Variants in MED15 observed in about 807,000 individuals in gnomAD.
MED15 encodes mediator complex subunit 15.
MED15 carries 41 observed loss-of-function variants against 118.7 expected under a neutral mutation model. The observed-to-expected ratio is 0.35, with a 90% CI of 0.27 to 0.45. The LOEUF (loss-of-function observed/expected upper bound fraction) is 0.45. Ranked by LOEUF, MED15 falls within the 20% of genes least tolerant of loss-of-function variation. The pLI is 1.00. For missense variants in MED15, 740 were observed against 1,025.5 expected, an observed-to-expected ratio of 0.72 and a Z score of 3.80; for synonymous variants, 436 against 413.9, an observed-to-expected ratio of 1.05 and a Z score of -0.65.
chr22:20,585,564 A>T, intron 16 of MED15, 164 bp from the exon 17 acceptor site: 2 of 730,022 alleles, frequency 2.7e-6, no homozygotes, highest in South Asian at 3.5e-5. Flanking sequence ...AGAGCACTCC[A>T]GGCTTCACGT....
chr22:20,556,302 G>GTTTT (rs361842), intron 5 of MED15, among the ~76,000 whole-genome samples: 1 of 140,076 alleles, frequency 7.1e-6, no homozygotes, highest in East Asian at 2.1e-4. Context: ...GACTTCATCA[G>GTTTT]TTTTTTTTTT....
In MED15 at chr22:20,537,191, A is replaced by G; in HGVS notation, c.143A>G (p.Lys48Arg). ...GATATGGAGAGCCATGTTTTCCTGAAGGCCAAGACCCGGGTAAGGCCCTAG... is the reference window on the plus strand; with the variant it reads ...GATATGGAGAGCCATGTTTTCCTGAGGGCCAAGACCCGGGTAAGGCCCTAG... ...SKDMESHVFLKAKTRDEYLSL... is the reference protein window; with the variant it reads ...SKDMESHVFLRAKTRDEYLSL... The change falls in exon 2 of 18, where the codon AAG becomes AGG. Residue 48 changes from lysine to arginine, a missense_variant. Coordinates refer to ENST00000263205, the MANE Select transcript of MED15 (RefSeq NM_001003891.3). 2 of 1,613,678 alleles carry G rather than the reference A, an allele frequency of 1.2e-6. No individual in the cohort carries two copies. The highest frequency in any genetic ancestry group is 2.2e-5 in the East Asian group (1 of 44,726).
At chr22:20,563,486 G>A (rs1456903753) in intron 5 of MED15, among the ~76,000 whole-genome samples, 1 of 152,214 alleles carries the variant, frequency 6.6e-6, no homozygotes, top group East Asian at 1.9e-4. Context: ...TAGAAATGGA[G>A]GATGCTGCAG....
intron 1 of MED15, among the ~76,000 whole-genome samples, chr22:20,524,609 G>A (rs1433486590): frequency 1.3e-5 from 2 of 150,898 alleles, no homozygotes; most frequent in Non-Finnish European, 2.9e-5. Flanking sequence ...TATGTGGCAG[G>A]TTTTTTTTGT....
chr22:20,544,669 A>AAAAC (rs905867164), intron 2 of MED15, among the ~76,000 whole-genome samples: 2 of 151,904 alleles, frequency 1.3e-5, no homozygotes, highest in Non-Finnish European at 1.5e-5. Flanking sequence ...CTGTCTCAAA[A>AAAAC]AAACAAACAA....
intron 1 of MED15, chr22:20,523,731 T>G: frequency 1.0e-6 from 1 of 985,462 alleles, no homozygotes; most frequent in African/African-American, 1.7e-5. Flanking sequence ...TCGAGGCCTT[T>G]CCAACTCTGC....
intron 3 of MED15, chr22:20,552,579 A>C (rs964572394): frequency 3.1e-5 from 14 of 449,742 alleles, no homozygotes; most frequent in African/African-American, 2.9e-4. Flanking sequence ...TGTGGGGCTC[A>C]TGAGGTCATG....
chr22:20,522,354 T>G (rs988040714), intron 1 of MED15: 1 of 152,118 alleles, frequency 6.6e-6, no homozygotes, highest in Non-Finnish European at 1.5e-5. Flanking sequence ...ACACCTGGTA[T>G]TGTCAAGGAA....
At chr22:20,565,421 A>C (rs1349824407) in intron 6 of MED15, among the ~76,000 whole-genome samples, 2 of 151,984 alleles carry the variant, frequency 1.3e-5, no homozygotes, top group Admixed American at 1.3e-4. Context: ...GTGTTAGTCG[A>C]CCTCCAGCTG....
chr22:20,548,553 T>G (rs1221752033), intron 2 of MED15, among the ~76,000 whole-genome samples: 3 of 152,220 alleles, frequency 2.0e-5, no homozygotes, highest in African/African-American at 7.2e-5. Context: ...AGGGCACATT[T>G]CCAGCCCAGT....
At chr22:20,584,823 C>T (rs141470333) in intron 14 of MED15, 32 bp from the exon 15 acceptor site, 36 of 1,607,810 alleles carry the variant, frequency 2.2e-5, no homozygotes, top group Non-Finnish European at 2.7e-5. Context: ...CCTCGGGTCC[C>T]GGGCTGCTGA....
In MED15 at chr22:20,586,555, T is replaced by A. The variant is rs760738587; in HGVS notation, c.2231-13T>A. 6.2e-7 allele frequency: 1 copy of A among 1,610,904 alleles called. No individual in the cohort carries two copies. Among genetic ancestry groups the A allele is most frequent in the Admixed American group, 1.7e-5 (1 of 59,990 alleles). ...CCGGCCGCCTTAGGTTCACGCCCAC[T>A]GCTCTGTTGCAGACGCCAACCCCTT... is the stretch of plus-strand genomic sequence containing the variant. On this transcript the variant is annotated splice_polypyrimidine_tract_variant and intron_variant, in intron 17 of 17. Coordinates refer to ENST00000263205, the MANE Select transcript of MED15 (RefSeq NM_001003891.3).
At chr22:20,560,366 G>A (rs2056185070) in intron 5 of MED15, among the ~76,000 whole-genome samples, 1 of 152,120 alleles carries the variant, frequency 6.6e-6, no homozygotes, top group South Asian at 2.1e-4. Flanking sequence ...CCAGGTTCAA[G>A]CGATTCTCCT....
intron 2 of MED15, among the ~76,000 whole-genome samples, chr22:20,550,688 G>A (rs1439544034): frequency 1.3e-5 from 2 of 152,280 alleles, no homozygotes; most frequent in East Asian, 1.9e-4. Context: ...TCAGACATCC[G>A]TGTATTGACC....
At chr22:20,551,775 A>C (rs577843638) in intron 3 of MED15, 7 of 464,938 alleles carry the variant, frequency 1.5e-5, no homozygotes, top group South Asian at 1.5e-4. Flanking sequence ...CCCTTTTCAT[A>C]GGGCTGTTGT....
intron 8 of MED15, among the ~76,000 whole-genome samples, chr22:20,570,568 T>C (rs1302767790): frequency 6.6e-6 from 1 of 151,054 alleles, no homozygotes; most frequent in East Asian, 1.9e-4. Context: ...ATTTTTGTAT[T>C]TTTAGTAGAG....
intron 1 of MED15, among the ~76,000 whole-genome samples, chr22:20,514,031 A>G (rs1468377225): frequency 6.6e-6 from 1 of 151,980 alleles, no homozygotes; most frequent in African/African-American, 2.4e-5. Context: ...GGCCCAGCTA[A>G]TTTTTGTATT....
intron 1 of MED15, among the ~76,000 whole-genome samples, chr22:20,534,957 G>A (rs376339679): frequency 5.3e-4 from 81 of 152,118 alleles, no homozygotes; most frequent in Non-Finnish European, 6.6e-4. Flanking sequence ...AAGCAGACAG[G>A]GAGGTAGGAA....
chr22:20,529,559 G>T lies in MED15; in HGVS notation c.69-7558G>T, dbSNP rs569963533. On this transcript the variant is annotated intron_variant, in intron 1 of 17. Transcript: ENST00000263205. ...CCTGCCTCGGCCTCCCGAGTAACTG[G>T]GATTATAATGCACGCCACCATGCCT... Among the ~76,000 whole-genome samples, 3 of 152,088 alleles carry T rather than the reference G, an allele frequency of 2.0e-5. No homozygotes were observed. In the South Asian group the frequency reaches 6.2e-4, roughly 32 times the overall value.
Sources: gnomAD v4.1 joint callset for allele counts (sites outside exome capture counted in the v4.1 genomes callset) on GRCh38, gnomAD v4.1.1 for gene constraint, MANE v1.5 for transcripts, NCBI Gene and HGNC (gene_info 2026-07-23, HGNC 2026-07-21) for gene names.